The following CASZ1 variants were observed in gnomAD, a reference collection of about 807,000 sequenced individuals.
CASZ1 encodes zinc finger protein castor homolog 1.
In CASZ1, 28 loss-of-function variants were observed where a neutral mutation model predicts 135.2. The ratio of observed to expected loss-of-function variants is 0.21; its 90% CI spans 0.15 to 0.28. The LOEUF is 0.28. Among genes scored for constraint, CASZ1 ranks in the 10% least tolerant of loss-of-function variants. The probability of loss-of-function intolerance (pLI) is 1.00; values close to 1 mark genes in which losing one functional copy is unlikely to be tolerated. For missense variants in CASZ1, 2,161 were observed against 2,453.3 expected (o/e 0.88, Z 2.52); for synonymous variants, 1,068 against 1,073.4 (o/e 0.99, Z 0.10).
intron 3 of CASZ1, among the ~76,000 whole-genome samples, chr1:10,705,228 C>A (rs979252744): frequency 6.6e-6 from 1 of 152,256 alleles, no homozygotes; most frequent in Admixed American, 6.5e-5. Context: ...GCCCTGAGCA[C>A]GTTCCTTCCC....
intron 1 of CASZ1, among the ~76,000 whole-genome samples, chr1:10,783,839 T>C (rs1640806170): frequency 7.3e-6 from 1 of 136,968 alleles, no homozygotes; most frequent in Non-Finnish European, 1.5e-5. Context: ...GCCACTGCAA[T>C]TCAGCCTGGG....
At chr1:10,703,083 T>C (rs551387278) in intron 3 of CASZ1, among the ~76,000 whole-genome samples, 37 of 149,172 alleles carry the variant, frequency 2.5e-4, no homozygotes, top group African/African-American at 7.9e-4. Context: ...GAAAGAGAGA[T>C]GGACAAAAGG....
chr1:10,672,826 C>T (rs1203013423), intron 4 of CASZ1, among the ~76,000 whole-genome samples: 1 of 152,266 alleles, frequency 6.6e-6, no homozygotes, highest in Non-Finnish European at 1.5e-5. Context: ...GAGAGACACA[C>T]TCATCAGCTC....
Position 10,694,230 on chromosome 1 carries a change from C to T in CASZ1, c.-23-318G>A, listed in dbSNP as rs1047005108. 10 of 675,612 alleles carry T rather than the reference C, an allele frequency of 1.5e-5. No individual in the cohort carries two copies. Among genetic ancestry groups the T allele is most frequent in the Non-Finnish European group, 5.5e-6 (3 of 548,238 alleles). 41.9% of individuals were successfully genotyped at this position (675,612 alleles called of 1,614,324 possible). ...GGGCGCCCCCGTCCCGCCGACCGCG[C>T]CCCGCGCCCGGGTCGCCGCCCGAGA... On this transcript the variant is annotated intron_variant, in intron 3 of 20. Transcript: ENST00000377022. This position sits in a 1 kb window ranked among gnomAD's most constrained non-coding sequence, Gnocchi z 6.6.
intron 2 of CASZ1, among the ~76,000 whole-genome samples, chr1:10,714,879 C>T (rs1570515101): frequency 6.6e-6 from 1 of 152,116 alleles, no homozygotes; most frequent in South Asian, 2.1e-4. Context: ...CTCAGAGCTG[C>T]CTTGTCTCCA....
chr1:10,734,299 C>G (rs1639755509), intron 2 of CASZ1, among the ~76,000 whole-genome samples: 1 of 151,466 alleles, frequency 6.6e-6, no homozygotes. Context: ...AAAAAAATCC[C>G]ATGGCCGTGC....
intron 2 of CASZ1, among the ~76,000 whole-genome samples, chr1:10,715,401 T>A (rs1639358776): frequency 6.6e-6 from 1 of 151,966 alleles, no homozygotes; most frequent in South Asian, 2.1e-4. Context: ...TGTTGGATCG[T>A]GCCATTAGGA....
chr1:10,779,279 A>ATTT (rs386366223), intron 1 of CASZ1, among the ~76,000 whole-genome samples: 10,849 of 125,052 alleles, frequency 0.087, 833 homozygotes, highest in East Asian at 0.37. Flanking sequence ...TAATTTTATA[A>ATTT]TTTTTTTTTT....
chr1:10,768,608 G>A (rs1026386806), intron 1 of CASZ1, among the ~76,000 whole-genome samples: 1 of 152,214 alleles, frequency 6.6e-6, no homozygotes, highest in East Asian at 1.9e-4. Flanking sequence ...CATCCTGGGG[G>A]ACGGGCACCA....
At chr1:10,775,024 A>G (rs1208572309) in intron 1 of CASZ1, among the ~76,000 whole-genome samples, 1 of 151,870 alleles carries the variant, frequency 6.6e-6, no homozygotes, top group East Asian at 1.9e-4. Context: ...ACCTCACCAG[A>G]CCTAGGGTTG....
rs1017283673 is a variant in CASZ1 at position 10,699,898 on chromosome 1, C to A, written c.-24+5594G>T. On this transcript the variant is annotated intron_variant, in intron 3 of 20. Transcript: ENST00000377022. This position sits in a 1 kb window ranked among gnomAD's most constrained non-coding sequence, Gnocchi z 4.6. Reference sequence around the variant, plus strand: ...TTAAAAAAAAGTTTTGGGGTGGAAACGTGGAGTGTGAGAGAAGAGAGAGGT... The same window carrying A: ...TTAAAAAAAAGTTTTGGGGTGGAAAAGTGGAGTGTGAGAGAAGAGAGAGGT... Among the ~76,000 whole-genome samples, 7 of 150,946 alleles carry A rather than the reference C, an allele frequency of 4.6e-5. No homozygotes were observed. Among genetic ancestry groups the A allele is most frequent in the African/African-American group, 9.8e-5 (4 of 40,930 alleles).
rs1024498608 is a variant in CASZ1 at position 10,776,041 on chromosome 1, C to T, written c.-233-15184G>A. On this transcript the variant is annotated intron_variant, in intron 1 of 20. Transcript: ENST00000377022. This position sits in a 1 kb window ranked among gnomAD's most constrained non-coding sequence, Gnocchi z 4.1. Reference sequence around the variant, plus strand: ...AGTGGGGTCTGCTCGGTCCCTGTAGCTAATTTACACCCGTCAGGGTTTAAA... The same window carrying T: ...AGTGGGGTCTGCTCGGTCCCTGTAGTTAATTTACACCCGTCAGGGTTTAAA... 3.3e-5 allele frequency among the ~76,000 whole-genome samples: 5 copies of T among 152,230 alleles called. No individual in the cohort carries two copies. The highest frequency in any genetic ancestry group is 2.6e-4 in the Admixed American group (4 of 15,284).
intron 7 of CASZ1, 81 bp downstream of exon 7, chr1:10,658,427 T>A (rs1367043070): frequency 1.7e-6 from 2 of 1,189,670 alleles, no homozygotes; most frequent in East Asian, 2.4e-5. Context: ...AGGTCAGATA[T>A]CAAACGAATG....
In CASZ1 at chr1:10,725,823, G is replaced by A. The variant is rs1039057919; in HGVS notation, c.-76-20279C>T. Among the ~76,000 whole-genome samples the A allele has an allele frequency of 1.3e-5, 2 of 152,016 alleles. No individual in the cohort carries two copies. The highest frequency in any genetic ancestry group is 4.8e-5 in the African/African-American group (2 of 41,398). On this transcript the variant is annotated intron_variant, in intron 2 of 20. Coordinates refer to ENST00000377022, the MANE Select transcript of CASZ1 (RefSeq NM_001079843.3). This position sits in a 1 kb window ranked among gnomAD's most constrained non-coding sequence, Gnocchi z 4.4. ...GGGGTGGGGAGGGAATGGCAAGGGG[G>A]GCCTGAAGACAGCAGGGCAGGTGTA...
chr1:10,709,389 G>T lies in CASZ1; in HGVS notation c.-76-3845C>A, dbSNP rs1166914003. On this transcript the variant is annotated intron_variant, in intron 2 of 20. Transcript: ENST00000377022. This position sits in a 1 kb window ranked among gnomAD's most constrained non-coding sequence, Gnocchi z 5.1. The stretch of plus-strand genomic sequence containing the variant: ...CCATGTCAGCCCGGCAGTGTGAGGA[G>T]GGGGGCGGCATAGACAACAGGGGCA... Among the ~76,000 whole-genome samples, 2 of 151,968 alleles carry T rather than the reference G, an allele frequency of 1.3e-5. No individual in the cohort carries two copies. The highest frequency in any genetic ancestry group is 2.9e-5 in the Non-Finnish European group (2 of 68,038).
In CASZ1 at chr1:10,649,113, C is replaced by G; in HGVS notation, c.3115G>C (p.Gly1039Arg). Residue 1039 changes from glycine (G) to arginine (R), a missense_variant, in exon 15 of 21, where the codon GGC (glycine) becomes CGC (arginine). Physicochemically the swap from Gly to Arg is moderately radical, Grantham distance 125. Transcript: ENST00000377022. The part of the protein sequence containing the change: ...AHFHCVVEEC[G>R]ALFSTLDGAI... Reference sequence around the variant, plus strand: ...CCGTCCAAGGTGCTGAAGAGCGCGCCGCATTCCTCCACCACGCAGTGGAAG... The same window carrying G: ...CCGTCCAAGGTGCTGAAGAGCGCGCGGCATTCCTCCACCACGCAGTGGAAG... 1 of 1,613,670 alleles carries G rather than the reference C, an allele frequency of 6.2e-7. No individual in the cohort carries two copies. Among genetic ancestry groups the G allele is most frequent in the Non-Finnish European group, 8.5e-7 (1 of 1,180,026 alleles).
chr1:10,645,895 G>A (rs1350254970), intron 17 of CASZ1, among the ~76,000 whole-genome samples: 2 of 152,112 alleles, frequency 1.3e-5, no homozygotes, highest in Non-Finnish European at 2.9e-5. Flanking sequence ...CCAGCATTGA[G>A]TCACCACTCG....
rs549701104 is a variant in CASZ1 at position 10,767,437 on chromosome 1, C to T, written c.-233-6580G>A. ...CCGCCTTCCCAGATCCTAGGCAGAT[C>T]CCTGGAGGGGACAGGGCGGGGGCGA... is the stretch of plus-strand genomic sequence containing the variant. On this transcript the variant is annotated intron_variant, in intron 1 of 20. Coordinates refer to ENST00000377022, the MANE Select transcript of CASZ1 (RefSeq NM_001079843.3). The surrounding 1 kb of genome is among the most constrained non-coding windows in gnomAD (Gnocchi z 4.2). 6.6e-6 allele frequency among the ~76,000 whole-genome samples: 1 copy of T among 152,318 alleles called. No individual in the cohort carries two copies. The highest frequency in any genetic ancestry group is 6.5e-5 in the Admixed American group (1 of 15,298).
chr1:10,694,008 C>T lies in CASZ1; in HGVS notation c.-23-96G>A. 1 of 1,232,374 alleles carries T rather than the reference C, an allele frequency of 8.1e-7. No individual in the cohort carries two copies. The highest frequency in any genetic ancestry group is 2.6e-5 in the East Asian group (1 of 38,282). The allele number at this position is 1,232,374 out of a possible 1,614,324, so 76.3% of individuals were successfully genotyped here. On this transcript the variant is annotated intron_variant, in intron 3 of 20. Coordinates refer to ENST00000377022, the MANE Select transcript of CASZ1 (RefSeq NM_001079843.3). This position sits in a 1 kb window ranked among gnomAD's most constrained non-coding sequence, Gnocchi z 6.6. ...CCGCCCGCCCTGCTTGTCCCCCGCCCCGCAGGAGCGGCCCGTCCCGGGCGG... is the reference window on the plus strand; with the variant it reads ...CCGCCCGCCCTGCTTGTCCCCCGCCTCGCAGGAGCGGCCCGTCCCGGGCGG...
Sources: allele counts gnomAD v4.1 joint callset (sites outside exome capture counted in the v4.1 genomes callset), GRCh38; gene constraint gnomAD v4.1.1; non-coding constraint Gnocchi (gnomAD v3.1); transcripts MANE v1.5; gene names NCBI Gene and HGNC (gene_info 2026-07-23, HGNC 2026-07-21).